ANO1: variants seen among roughly 807,000 people sequenced by gnomAD.
ANO1 encodes anoctamin 1, also known as anoctamin-1.
A neutral mutation model predicts 124.0 loss-of-function variants in ANO1; 59 were observed. The observed-to-expected ratio is 0.48, with a 90% CI of 0.39 to 0.59. ANO1 has a LOEUF of 0.59. Ranked by LOEUF, ANO1 falls within the 20% of genes least tolerant of loss-of-function variation. The pLI is 0.00. For missense variants in ANO1, 1,059 were observed against 1,328.0 expected (o/e 0.80, Z 3.15); for synonymous variants, 529 against 532.0 (o/e 0.99, Z 0.08).
In ANO1 at chr11:70,155,903, C is replaced by G. The variant is rs370794221; in HGVS notation, c.1426-8C>G. 6.5e-7 allele frequency: 1 copy of G among 1,541,406 alleles called. No individual in the cohort carries two copies. Among genetic ancestry groups the G allele is most frequent in the African/African-American group, 1.4e-5 (1 of 72,256 alleles). On this transcript the variant is annotated splice_region_variant and splice_polypyrimidine_tract_variant and intron_variant, in intron 14 of 25. Coordinates refer to ENST00000355303, the MANE Select transcript of ANO1 (RefSeq NM_018043.7). ...GCACGGTGCTCTCTTTCCCCCACCC[C>G]CCCTCAGAAGCGCCGGCATATTCCA... is the stretch of plus-strand genomic sequence containing the variant.
intron 1 of ANO1, among the ~76,000 whole-genome samples, chr11:70,087,151 A>ACATAGTGG (rs2044417131): frequency 6.6e-6 from 1 of 152,214 alleles, no homozygotes; most frequent in African/African-American, 2.4e-5. Flanking sequence ...TTGGGTGGGT[A>ACATAGTGG]CATAGTGGGT....
At chr11:70,024,065 G>C (rs186863181) in intron 1 of ANO1, among the ~76,000 whole-genome samples, 1 of 152,354 alleles carries the variant, frequency 6.6e-6, no homozygotes, top group Admixed American at 6.5e-5. Context: ...TCTTGGCTCT[G>C]CTGTTCTTTG....
chr11:70,116,712 T>A, intron 8 of ANO1: 1 of 543,958 alleles, frequency 1.8e-6, no homozygotes. Context: ...CTCTTTCTGA[T>A]TGTCAAAAAT....
intron 22 of ANO1, among the ~76,000 whole-genome samples, chr11:70,172,762 A>C (rs2048525871): frequency 6.6e-6 from 1 of 152,038 alleles, no homozygotes; most frequent in Admixed American, 6.6e-5. Flanking sequence ...GCTACTCAGG[A>C]GGCTGAGGCA....
intron 1 of ANO1, among the ~76,000 whole-genome samples, chr11:70,003,864 C>T (rs1396282319): frequency 6.6e-6 from 1 of 152,146 alleles, no homozygotes; most frequent in Non-Finnish European, 1.5e-5. Flanking sequence ...CCTGTGGACA[C>T]CCCACAGGGA....
Position 70,155,903 on chromosome 11 carries a change from C to T in ANO1, c.1426-8C>T, listed in dbSNP as rs370794221. 10 of 1,541,288 alleles carry T rather than the reference C, an allele frequency of 6.5e-6. No homozygotes were observed. In the African/African-American group the frequency reaches 9.7e-5, roughly 15 times the overall value. Reference sequence around the variant, plus strand: ...GCACGGTGCTCTCTTTCCCCCACCCCCCCTCAGAAGCGCCGGCATATTCCA... The same window carrying T: ...GCACGGTGCTCTCTTTCCCCCACCCTCCCTCAGAAGCGCCGGCATATTCCA... On this transcript the variant is annotated splice_region_variant and splice_polypyrimidine_tract_variant and intron_variant, in intron 14 of 25. Coordinates refer to ENST00000355303, the MANE Select transcript of ANO1 (RefSeq NM_018043.7).
chr11:69,976,133 C>T, the ANO1 span, among the ~76,000 whole-genome samples: 1 of 152,180 alleles, frequency 6.6e-6, no homozygotes, highest in African/African-American at 2.4e-5. Context: ...TGTCCCCTTA[C>T]ATTCCTGTTA....
At chr11:70,143,887 G>A (rs557208248) in intron 11 of ANO1, among the ~76,000 whole-genome samples, 106 of 152,246 alleles carry the variant, frequency 7.0e-4, no homozygotes, top group South Asian at 1.2e-3. Flanking sequence ...ACAATTCAGT[G>A]GCATTTAGCA....
intron 20 of ANO1, 149 bp downstream of exon 20, chr11:70,165,719 G>A (rs193243836): frequency 1.4e-6 from 1 of 692,984 alleles, no homozygotes; most frequent in African/African-American, 1.8e-5. Context: ...CAGAGGGAAG[G>A]TGGGGCAAAA....
rs1313502870 is a variant in ANO1 at position 70,026,618 on chromosome 11, C to T, written c.58+40452C>T. Reference sequence around the variant, plus strand: ...GGTGGTAGTGGCGACTGATATCACCCTTGCTGCCATCATTCAAGAGACCAG... The same window carrying T: ...GGTGGTAGTGGCGACTGATATCACCTTTGCTGCCATCATTCAAGAGACCAG... On this transcript the variant is annotated intron_variant, in intron 1 of 27. Transcript: ENST00000531349. 2.0e-5 allele frequency among the ~76,000 whole-genome samples: 3 copies of T among 151,958 alleles called. No homozygotes were observed. In the East Asian group the frequency reaches 5.8e-4, roughly 29 times the overall value.
intron 1 of ANO1, among the ~76,000 whole-genome samples, chr11:69,997,575 C>T (rs1856295544): frequency 1.3e-5 from 2 of 152,182 alleles, no homozygotes; most frequent in Admixed American, 6.5e-5. Flanking sequence ...TTTGCACAAG[C>T]ATTCTCCTCT....
chr11:70,159,315 G>A (rs891340150), intron 16 of ANO1, among the ~76,000 whole-genome samples: 3 of 152,194 alleles, frequency 2.0e-5, no homozygotes, highest in African/African-American at 7.2e-5. Flanking sequence ...ACCTCTGCTT[G>A]CATCTCATTG....
At chr11:69,990,716 A>T (rs1344181502) in intron 1 of ANO1, among the ~76,000 whole-genome samples, 3 of 145,664 alleles carry the variant, frequency 2.1e-5, no homozygotes, top group Non-Finnish European at 3.1e-5. Context: ...TGTGGCTTTG[A>T]TTTTCACTGC....
intron 1 of ANO1, among the ~76,000 whole-genome samples, chr11:70,070,797 G>A (rs1857853892): frequency 6.6e-6 from 1 of 152,240 alleles, no homozygotes; most frequent in Non-Finnish European, 1.5e-5. Context: ...GTATGTAGCT[G>A]AATGAACCCC....
chr11:70,130,948 C>T (rs906455664), intron 10 of ANO1, among the ~76,000 whole-genome samples: 2 of 152,360 alleles, frequency 1.3e-5, no homozygotes, highest in East Asian at 1.9e-4. Flanking sequence ...CCCCACCAGG[C>T]GGATGGAGAT....
rs2135162756 is a variant in ANO1, at chr11:70,078,479, C to T, written c.-128C>T. 3 of 272,586 alleles carry T rather than the reference C, an allele frequency of 1.1e-5. No individual in the cohort carries two copies. Among genetic ancestry groups the T allele is most frequent in the South Asian group, 2.7e-4 (2 of 7,274 alleles). 16.9% of individuals were successfully genotyped at this position (272,586 alleles called of 1,614,324 possible). ...GGAGGCGGCCACGTCCCCGGCGGGC[C>T]TGGGCGCGGGGAGGCCCGGCCCCCT... is the stretch of plus-strand genomic sequence containing the variant. On this transcript the variant is annotated 5_prime_UTR_variant, in exon 1 of 26. Transcript: ENST00000355303.
At chr11:70,180,262 C>A (rs2048880548) in intron 23 of ANO1, among the ~76,000 whole-genome samples, 1 of 149,792 alleles carries the variant, frequency 6.7e-6, no homozygotes, top group Non-Finnish European at 1.5e-5. Context: ...AAATTCTCTT[C>A]AACCTTTTTC....
At chr11:69,979,351 G>T in the ANO1 span, among the ~76,000 whole-genome samples, 2 of 152,306 alleles carry the variant, frequency 1.3e-5, no homozygotes, top group East Asian at 3.9e-4. Flanking sequence ...GCTCTGGAAA[G>T]AGCTTTGGAG....
chr11:70,039,053 TA>T (rs1441877143), intron 1 of ANO1, among the ~76,000 whole-genome samples: 1 of 152,088 alleles, frequency 6.6e-6, no homozygotes, highest in Non-Finnish European at 1.5e-5. Context: ...AAAAAGCCAT[TA>T]AGGATAGGAC....
Sources: allele counts gnomAD v4.1 joint callset (sites outside exome capture counted in the v4.1 genomes callset), GRCh38; gene constraint gnomAD v4.1.1; transcripts MANE v1.5; gene names NCBI Gene and HGNC (gene_info 2026-07-23, HGNC 2026-07-21).